Variants in SELENOT observed in about 807,000 individuals in gnomAD.
SELENOT encodes the protein selenoprotein T, also known as thioredoxin reductase-like selenoprotein T.
SELENOT carries 9 observed loss-of-function variants against 24.3 expected under a neutral mutation model. That is an observed-to-expected ratio of 0.37 (90% confidence interval 0.22 to 0.65). The LOEUF (loss-of-function observed/expected upper bound fraction) is 0.65, where lower values mean the gene tolerates loss of function less well. Ranked by LOEUF, SELENOT falls within the 30% of genes least tolerant of loss-of-function variation. The pLI is 0.60. For missense variants in SELENOT, 166 were observed against 247.6 expected, an observed-to-expected ratio of 0.67 and a Z score of 2.21; for synonymous variants, 81 against 86.0, an observed-to-expected ratio of 0.94 and a Z score of 0.32.
intron 1 of SELENOT, among the ~76,000 whole-genome samples, chr3:150,609,277 T>C (rs958099329): frequency 6.6e-6 from 1 of 152,198 alleles, no homozygotes; most frequent in African/African-American, 2.4e-5. Flanking sequence ...ACTTCCAGAA[T>C]TCTCTGTGCT....
rs1726527915 is a variant in SELENOT, at chr3:150,630,194, AATG to A, written c.*2571_*2573del. 2 of 152,196 alleles carry A rather than the reference AATG, an allele frequency of 1.3e-5. No homozygotes were observed. The highest frequency in any genetic ancestry group is 4.8e-5 in the African/African-American group (2 of 41,452). The allele number at this position is 152,196 out of a possible 1,614,324, so 9.4% of individuals were successfully genotyped here. Reference sequence around the variant, plus strand: ...AGCTATCAAAATATAATGAGATCCCAATGATGATTCTTTTTTACTTTGAATGTT... The same window carrying A: ...AGCTATCAAAATATAATGAGATCCCAATGATTCTTTTTTACTTTGAATGTT... On this transcript the variant is annotated 3_prime_UTR_variant, in exon 6 of 6. Transcript: ENST00000471696.
In SELENOT at chr3:150,619,451, G is replaced by A. The variant is rs571555197; in HGVS notation, c.138-2934G>A. Among the ~76,000 whole-genome samples the A allele has an allele frequency of 5.9e-5, 9 of 151,922 alleles. No individual in the cohort carries two copies. In the South Asian group the frequency reaches 1.0e-3, roughly 18 times the overall value. On this transcript the variant is annotated intron_variant, in intron 1 of 5. Coordinates refer to ENST00000471696, the MANE Select transcript of SELENOT (RefSeq NM_016275.5). ...TTCAGGAGACTGAGGCAGGTGAATC[G>A]CTTGAATGCGGGAGGCGGAGTTTGC...
chr3:150,629,481 C>T lies in SELENOT; in HGVS notation c.*1852C>T, dbSNP rs1726511605. ...GTCTTGCTGAATGTGTCTAGGGGTTCATCTTCAGTAATCGACATTCCACTA... is the reference window on the plus strand; with the variant it reads ...GTCTTGCTGAATGTGTCTAGGGGTTTATCTTCAGTAATCGACATTCCACTA... On this transcript the variant is annotated 3_prime_UTR_variant, in exon 6 of 6. Transcript: ENST00000471696. 1 of 152,612 alleles carries T rather than the reference C, an allele frequency of 6.6e-6. No homozygotes were observed. The highest frequency in any genetic ancestry group is 2.1e-4 in the South Asian group (1 of 4,824). The allele number at this position is 152,612 out of a possible 1,614,324, so 9.5% of individuals were successfully genotyped here.
intron 5 of SELENOT, 22 bp from the exon 6 acceptor site, chr3:150,627,635 TTC>T (rs1726471692): frequency 6.5e-6 from 1 of 152,868 alleles, no homozygotes; most frequent in Non-Finnish European, 1.5e-5. Flanking sequence ...CAATAAAATA[TTC>T]TTTTTTCTGT....
chr3:150,624,408 C>A (rs1726399381), intron 3 of SELENOT, among the ~76,000 whole-genome samples: 1 of 152,146 alleles, frequency 6.6e-6, no homozygotes, highest in African/African-American at 2.4e-5. Flanking sequence ...TATGCCTATG[C>A]TTTCTAACCT....
At chr3:150,626,647 A>G (rs555952429) in intron 4 of SELENOT, among the ~76,000 whole-genome samples, 1 of 152,040 alleles carries the variant, frequency 6.6e-6, no homozygotes, top group Non-Finnish European at 1.5e-5. Context: ...TCTCTCCCTC[A>G]AAGGTTTTCT....
At chr3:150,611,004 CGTGTGTGTGT>C (rs113532087) in intron 1 of SELENOT, among the ~76,000 whole-genome samples, 60 of 145,508 alleles carry the variant, frequency 4.1e-4, no homozygotes, top group African/African-American at 1.3e-3. Context: ...CATCATGAGT[CGTGTGTGTGT>C]GTGTGTGTGT....
rs1362679862 is a variant in SELENOT, at chr3:150,629,450, T to C, written c.*1821T>C. The C allele has an allele frequency of 6.5e-6, 1 of 152,676 alleles. No homozygotes were observed. Among genetic ancestry groups the C allele is most frequent in the Non-Finnish European group, 1.5e-5 (1 of 68,042 alleles). 9.5% of individuals were successfully genotyped at this position (152,676 alleles called of 1,614,324 possible). A position where few individuals can be genotyped will look rare whatever the true frequency, so the allele number is the denominator to read the frequency against. ...CTCCAAATTCCCTGCCTTCTGCAAG[T>C]TGAATGTCTTGCTGAATGTGTCTAG... On this transcript the variant is annotated 3_prime_UTR_variant, in exon 6 of 6. Transcript: ENST00000471696.
intron 1 of SELENOT, 168 bp downstream of exon 1, chr3:150,603,667 A>G: frequency 1.4e-6 from 1 of 739,688 alleles, no homozygotes; most frequent in South Asian, 2.0e-5. Flanking sequence ...TAGCGCGGTC[A>G]GGCCGCCCTC....
intron 1 of SELENOT, among the ~76,000 whole-genome samples, chr3:150,608,934 A>C (rs995334869): frequency 1.3e-5 from 2 of 152,222 alleles, no homozygotes; most frequent in Non-Finnish European, 2.9e-5. Flanking sequence ...ATTGAGTTGA[A>C]TATATTATTT....
chr3:150,617,896 T>TGGAGTGCA (rs532284311), intron 1 of SELENOT, among the ~76,000 whole-genome samples: 1 of 152,058 alleles, frequency 6.6e-6, no homozygotes, highest in Non-Finnish European at 1.5e-5. Context: ...GCTGGAGTGC[T>TGGAGTGCA]GGAGTGCAGG....
chr3:150,613,105 A>G (rs778597479), intron 1 of SELENOT, among the ~76,000 whole-genome samples: 1 of 152,220 alleles, frequency 6.6e-6, no homozygotes, highest in Non-Finnish European at 1.5e-5. Context: ...GTGTTGCTAT[A>G]ATAGAATATC....
intron 1 of SELENOT, chr3:150,611,812 G>T: frequency 1.0e-6 from 1 of 986,214 alleles, no homozygotes; most frequent in Admixed American, 2.6e-5. Flanking sequence ...CCCGGACGAG[G>T]CACTGGCGAC....
chr3:150,610,486 CT>C (rs1726063106), intron 1 of SELENOT, among the ~76,000 whole-genome samples: 1 of 152,116 alleles, frequency 6.6e-6, no homozygotes, highest in Non-Finnish European at 1.5e-5. Flanking sequence ...TTCAATTTTG[CT>C]GGTAGAGAGA....
At position 150,630,283 on chromosome 3, in the gene SELENOT, A is replaced by G. The variant is rs1413207679; in HGVS notation, c.*2654A>G. The G allele has an allele frequency of 6.6e-6, 1 of 152,166 alleles. No homozygotes were observed. Among genetic ancestry groups the G allele is most frequent in the East Asian group, 1.9e-4 (1 of 5,196 alleles). 9.4% of individuals were successfully genotyped at this position (152,166 alleles called of 1,614,324 possible). On this transcript the variant is annotated 3_prime_UTR_variant, in exon 6 of 6. Transcript: ENST00000471696. Reference sequence around the variant, plus strand: ...TTATCATTGTCAGAATTTAATTTAGATTTCAAAAATAGCTTACAGGATTTT... The same window carrying G: ...TTATCATTGTCAGAATTTAATTTAGGTTTCAAAAATAGCTTACAGGATTTT...
At chr3:150,620,668 A>G (rs1180864324) in intron 1 of SELENOT, among the ~76,000 whole-genome samples, 1 of 152,222 alleles carries the variant, frequency 6.6e-6, no homozygotes, top group Non-Finnish European at 1.5e-5. Flanking sequence ...TTGACTAACC[A>G]AGTCTCTAGT....
In SELENOT at chr3:150,628,818, TCAGCTTC is replaced by T. The variant is rs1371153104; in HGVS notation, c.*1192_*1198del. 5.9e-5 allele frequency: 9 copies of T among 152,164 alleles called. No individual in the cohort carries two copies. Among genetic ancestry groups the T allele is most frequent in the African/African-American group, 2.2e-4 (9 of 41,446 alleles). The allele number at this position is 152,164 out of a possible 1,614,324, so 9.4% of individuals were successfully genotyped here. A position where few individuals can be genotyped will look rare whatever the true frequency, so the allele number is the denominator to read the frequency against. ...CATGTAACAGCAGTAATAACATACT[TCAGCTTC>T]CATATAGGAATAGAAGTGGTAGAGC... is the stretch of plus-strand genomic sequence containing the variant. On this transcript the variant is annotated 3_prime_UTR_variant, in exon 6 of 6. Coordinates refer to ENST00000471696, the MANE Select transcript of SELENOT (RefSeq NM_016275.5).
At chr3:150,606,948 G>A (rs1358479390) in intron 1 of SELENOT, among the ~76,000 whole-genome samples, 5 of 152,054 alleles carry the variant, frequency 3.3e-5, no homozygotes, top group Non-Finnish European at 5.9e-5. Flanking sequence ...TGTATTGATA[G>A]TTACTCTTAG....
At chr3:150,616,014 G>T (rs1024171586) in intron 1 of SELENOT, among the ~76,000 whole-genome samples, 6 of 151,886 alleles carry the variant, frequency 4.0e-5, no homozygotes, top group Non-Finnish European at 7.4e-5. Flanking sequence ...ATAGATCAAT[G>T]GAACAGAACA....
Sources: gnomAD v4.1 joint callset for allele counts (sites outside exome capture counted in the v4.1 genomes callset) on GRCh38, gnomAD v4.1.1 for gene constraint, MANE v1.5 for transcripts, NCBI Gene and HGNC (gene_info 2026-07-23, HGNC 2026-07-21) for gene names.